The following CDX2 variants were observed in gnomAD, a reference collection of about 807,000 sequenced individuals.
CDX2 encodes caudal type homeobox 2, also known as homeobox protein CDX-2.
In CDX2, 7 loss-of-function variants were observed where a neutral mutation model predicts 25.5. The ratio of observed to expected loss-of-function variants is 0.27; its 90% CI spans 0.16 to 0.52. The LOEUF is 0.52. CDX2 is among the 20% of genes least tolerant of loss of function. The probability of loss-of-function intolerance (pLI) is 0.97; values close to 1 mark genes in which losing one functional copy is unlikely to be tolerated. For synonymous variants in CDX2, 222 were observed against 198.6 expected, an observed-to-expected ratio of 1.12 and a Z score of -0.99; for missense variants, 375 against 431.4, an observed-to-expected ratio of 0.87 and a Z score of 1.16.
Position 27,962,316 on chromosome 13 carries a change from TC to T in CDX2, c.*798del, listed in dbSNP as rs367846281. The T allele has an allele frequency of 2.7e-5, 6 of 222,440 alleles. No individual in the cohort carries two copies. Among genetic ancestry groups the T allele is most frequent in the African/African-American group, 1.2e-4 (5 of 42,346 alleles). 13.8% of individuals were successfully genotyped at this position (222,440 alleles called of 1,614,324 possible). The stretch of plus-strand genomic sequence containing the variant: ...AAACAGCAGCAACAACAACACAAAC[TC>T]CCCCCACCCCCTTCTTCATCAGCCC... On this transcript the variant is annotated 3_prime_UTR_variant, in exon 3 of 3. Transcript: ENST00000381020.
chr13:27,967,184 G>C (rs1593184584), intron 1 of CDX2: 1 of 442,332 alleles, frequency 2.3e-6, no homozygotes, highest in African/African-American at 2.0e-5. Flanking sequence ...TGGGAGCCAG[G>C]ATCTGGGAGC....
At chr13:27,963,442 T>C in intron 2 of CDX2, 73 bp from the exon 3 acceptor site, 1 of 1,216,636 alleles carries the variant, frequency 8.2e-7, no homozygotes. Flanking sequence ...TACCCAGCAG[T>C]ATCATCAACA....
chr13:27,967,293 C>T (rs1231004920), intron 1 of CDX2: 1 of 513,562 alleles, frequency 1.9e-6, no homozygotes, highest in Non-Finnish European at 3.8e-6. Context: ...CGGTCGGCGG[C>T]ATTCCCACCA....
At chr13:27,966,183 C>A (rs1270793322) in intron 1 of CDX2, among the ~76,000 whole-genome samples, 3 of 152,244 alleles carry the variant, frequency 2.0e-5, no homozygotes, top group Non-Finnish European at 2.9e-5. Flanking sequence ...TTAATAACAA[C>A]CACATTCTGT....
intron 1 of CDX2, among the ~76,000 whole-genome samples, chr13:27,966,452 G>T (rs1387050682): frequency 6.6e-6 from 1 of 152,226 alleles, no homozygotes; most frequent in Non-Finnish European, 1.5e-5. Context: ...AATCAGACCG[G>T]GTCACGCAGA....
In CDX2 at chr13:27,961,549, G is replaced by A. The variant is rs1869048712; in HGVS notation, c.*1566C>T. Among the ~76,000 whole-genome samples, 1 of 152,100 alleles carries A rather than the reference G, an allele frequency of 6.6e-6. No homozygotes were observed. Among genetic ancestry groups the A allele is most frequent in the Non-Finnish European group, 1.5e-5 (1 of 68,032 alleles). ...AGAAATCTTGTTTGTGGGGTGATTGGGTTGGAAGGGGGGGCGCGGTCGGGG... is the reference window on the plus strand; with the variant it reads ...AGAAATCTTGTTTGTGGGGTGATTGAGTTGGAAGGGGGGGCGCGGTCGGGG... On this transcript the variant is annotated 3_prime_UTR_variant, in exon 3 of 3. Coordinates refer to ENST00000381020, the MANE Select transcript of CDX2 (RefSeq NM_001265.6).
chr13:27,965,133 G>A (rs1869253157), intron 1 of CDX2, 118 bp from the exon 2 acceptor site: 1 of 1,115,696 alleles, frequency 9.0e-7, no homozygotes, highest in South Asian at 1.5e-5. Context: ...GGGGGGCCCG[G>A]GTTTGGCTGG....
At chr13:27,966,570 C>T (rs1869337571) in intron 1 of CDX2, among the ~76,000 whole-genome samples, 1 of 152,188 alleles carries the variant, frequency 6.6e-6, no homozygotes, top group African/African-American at 2.4e-5. Flanking sequence ...GAGGGAGACT[C>T]GCCTGGAAGT....
At position 27,961,325 on chromosome 13, in the gene CDX2, C is replaced by G. The variant is rs1015620113; in HGVS notation, c.*1790G>C. On this transcript the variant is annotated 3_prime_UTR_variant, in exon 3 of 3. Coordinates refer to ENST00000381020, the MANE Select transcript of CDX2 (RefSeq NM_001265.6). ...TCCCCAACTGCCCTTAAGGCGCCTC[C>G]GTGGGCGCGCTGATTAGGCTCTCGG... Among the ~76,000 whole-genome samples, 5 of 152,260 alleles carry G rather than the reference C, an allele frequency of 3.3e-5. No individual in the cohort carries two copies. The highest frequency in any genetic ancestry group is 7.4e-5 in the Non-Finnish European group (5 of 68,018).
intron 1 of CDX2, among the ~76,000 whole-genome samples, chr13:27,965,478 T>G (rs1009607042): frequency 6.6e-6 from 1 of 152,120 alleles, no homozygotes; most frequent in African/African-American, 2.4e-5. Context: ...GGGTTACTAC[T>G]TTGCTTTACT....
At chr13:27,967,636 C>T (rs935738311) in intron 1 of CDX2, among the ~76,000 whole-genome samples, 2 of 152,198 alleles carry the variant, frequency 1.3e-5, no homozygotes, top group African/African-American at 4.8e-5. Flanking sequence ...GTTGCACACA[C>T]ACACTCACAG....
Position 27,968,116 on chromosome 13 carries a change from C to A in CDX2, c.541+350G>T, listed in dbSNP as rs116961745. On this transcript the variant is annotated intron_variant, in intron 1 of 2. Transcript: ENST00000381020. Reference sequence around the variant, plus strand: ...CCAGGAGCCACGCAAGGAATGCATGCCGCAGCAAGTGCCGGAGGACGCGAT... The same window carrying A: ...CCAGGAGCCACGCAAGGAATGCATGACGCAGCAAGTGCCGGAGGACGCGAT... 6.1e-3 allele frequency among the ~76,000 whole-genome samples: 922 copies of A among 152,356 alleles called. 40 individuals are homozygous for A. In the East Asian group the frequency reaches 0.13, roughly 22 times the overall value.
intron 1 of CDX2, 61 bp from the exon 2 acceptor site, chr13:27,965,076 T>G (rs529288343): frequency 6.4e-7 from 1 of 1,550,572 alleles, no homozygotes; most frequent in Non-Finnish European, 8.8e-7. Flanking sequence ...TCATGGGTAA[T>G]GACAAACCTC....
In CDX2 at chr13:27,964,796, G is replaced by A. The variant is rs1252640656; in HGVS notation, c.687+74C>T. 8.2e-6 allele frequency: 12 copies of A among 1,461,958 alleles called. No individual in the cohort carries two copies. Among genetic ancestry groups the A allele is most frequent in the Admixed American group, 5.1e-5 (3 of 58,488 alleles). The allele number at this position is 1,461,958 out of a possible 1,614,324, so 90.6% of individuals were successfully genotyped here. Reference sequence around the variant, plus strand: ...CTCTCCACAGATTTAGATGGCCCCTGCAGCCAGATTTTCTAACTCTCATGG... The same window carrying A: ...CTCTCCACAGATTTAGATGGCCCCTACAGCCAGATTTTCTAACTCTCATGG... On this transcript the variant is annotated intron_variant, in intron 2 of 2. Transcript: ENST00000381020. This position sits in a 1 kb window ranked among gnomAD's most constrained non-coding sequence, Gnocchi z 4.7.
Position 27,968,498 on chromosome 13 carries a change from C to T in CDX2, c.509G>A (p.Arg170Gln), listed in dbSNP as rs1869448388. 1.3e-6 allele frequency: 2 copies of T among 1,561,274 alleles called. No individual in the cohort carries two copies. The highest frequency in any genetic ancestry group is 2.3e-5 in the South Asian group (2 of 87,228). ...GQRRNLCEWM[R>Q]KPAQQSLGSQ... Reference sequence around the variant, plus strand: ...GCCGAGGGACTGCTGCGCCGGCTTCCGCATCCACTCGCACAGGTTCCGCCG... The same window carrying T: ...GCCGAGGGACTGCTGCGCCGGCTTCTGCATCCACTCGCACAGGTTCCGCCG... The change falls in exon 1 of 3, where the codon CGG (arginine) becomes CAG (glutamine). Residue 170 changes from arginine to glutamine, a missense_variant. Physicochemically the swap from Arg to Gln is conservative, Grantham distance 43. This residue lies in a region of CDX2 where 64 missense variants were observed against 124.6 expected (regional missense o/e 0.51). Transcript: ENST00000381020.
chr13:27,968,507 T>G lies in CDX2; in HGVS notation c.500A>C (p.Glu167Ala). The change falls in exon 1 of 3, where the codon GAG (glutamate) becomes GCG (alanine). Residue 167 changes from glutamate (E) to alanine (A), a missense_variant. Glu to Ala is a moderately radical substitution (Grantham distance 107, BLOSUM62 -1). Coordinates refer to ENST00000381020, the MANE Select transcript of CDX2 (RefSeq NM_001265.6). ...SPGGQRRNLC[E>A]WMRKPAQQSL... ...CTGCTGCGCCGGCTTCCGCATCCAC[T>G]CGCACAGGTTCCGCCGCTGGCCGCC... 1.9e-6 allele frequency: 3 copies of G among 1,564,318 alleles called. No individual in the cohort carries two copies. The highest frequency in any genetic ancestry group is 2.6e-6 in the Non-Finnish European group (3 of 1,166,656).
Position 27,969,244 on chromosome 13 carries a change from T to G in CDX2, c.-238A>C. The G allele has an allele frequency of 3.9e-6, 2 of 517,192 alleles. No individual in the cohort carries two copies. The highest frequency in any genetic ancestry group is 3.4e-6 in the Non-Finnish European group (1 of 293,698). The allele number at this position is 517,192 out of a possible 1,614,324, so 32.0% of individuals were successfully genotyped here. ...TTCTTTCCTCCCACCTCCTTCCCACTAGGCTGCAGAGGCGGGGAAGACCCG... is the reference window on the plus strand; with the variant it reads ...TTCTTTCCTCCCACCTCCTTCCCACGAGGCTGCAGAGGCGGGGAAGACCCG... On this transcript the variant is annotated 5_prime_UTR_variant, in exon 1 of 3. Transcript: ENST00000381020.
Position 27,964,888 on chromosome 13 carries a change from C to T in CDX2, c.669G>A (p.Leu223=). The T allele has an allele frequency of 6.2e-7, 1 of 1,614,124 alleles. No individual in the cohort carries two copies. The highest frequency in any genetic ancestry group is 8.5e-7 in the Non-Finnish European group (1 of 1,180,020). ...TCCCCACCTGCCTCTCAGAGAGCCC[C>T]AGCGTGGCGGCTAGCTCGGCTTTCC... The part of the protein sequence containing the change: ...IRRKAELAAT[L]GLSERQVKIW... Residue 223 remains leucine, a synonymous_variant, in exon 2 of 3, where the codon CTG becomes CTA. Transcript: ENST00000381020. The surrounding 1 kb of genome is among the most constrained non-coding windows in gnomAD (Gnocchi z 4.7).
In CDX2 at chr13:27,964,394, C is replaced by A. The variant is rs983685288; in HGVS notation, c.687+476G>T. Among the ~76,000 whole-genome samples, 5 of 151,796 alleles carry A rather than the reference C, an allele frequency of 3.3e-5. No homozygotes were observed. The highest frequency in any genetic ancestry group is 1.2e-4 in the African/African-American group (5 of 41,312). ...AGCCTGCACAACAAGAGTGAAACTG[C>A]GTTTCGACGGTGGCGGGTGGGGGGG... On this transcript the variant is annotated intron_variant, in intron 2 of 2. Transcript: ENST00000381020. This position sits in a 1 kb window ranked among gnomAD's most constrained non-coding sequence, Gnocchi z 4.7.
Sources: gnomAD v4.1 joint callset for allele counts (sites outside exome capture counted in the v4.1 genomes callset) on GRCh38, gnomAD v4.1.1 for gene constraint, gnomAD v4.1.1 regional missense constraint, Gnocchi (gnomAD v3.1) non-coding constraint, MANE v1.5 for transcripts, NCBI Gene and HGNC (gene_info 2026-07-23, HGNC 2026-07-21) for gene names.